The following DLC1 variants were observed in gnomAD, a reference collection of about 807,000 sequenced individuals.
DLC1 encodes the protein rho GTPase-activating protein 7.
A neutral mutation model predicts 140.3 loss-of-function variants in DLC1; 54 were observed. The observed-to-expected ratio is 0.38, with a 90% CI of 0.31 to 0.48. The LOEUF is 0.48. Ranked by LOEUF, DLC1 falls within the 20% of genes least tolerant of loss-of-function variation. The pLI, the probability that DLC1 is intolerant of heterozygous loss-of-function variation, is 0.96. For synonymous variants in DLC1, 986 were observed against 728.1 expected, an observed-to-expected ratio of 1.35 and a Z score of -5.70; for missense variants, 2,536 against 1,907.0, an observed-to-expected ratio of 1.33 and a Z score of -6.14.
chr8:13,401,214 C>G (rs1837280080), intron 3 of DLC1, among the ~76,000 whole-genome samples: 1 of 152,168 alleles, frequency 6.6e-6, no homozygotes, highest in Non-Finnish European at 1.5e-5. Context: ...CCATAATTTC[C>G]TAAGGTGACT....
intron 4 of DLC1, among the ~76,000 whole-genome samples, chr8:13,379,279 A>T (rs1042973969): frequency 2.0e-5 from 3 of 152,102 alleles, no homozygotes; most frequent in African/African-American, 7.2e-5. Context: ...TCCTGATCTG[A>T]CCGTTTGAGA....
At chr8:13,225,107 G>A (rs1361297927) in intron 5 of DLC1, among the ~76,000 whole-genome samples, 2 of 152,214 alleles carry the variant, frequency 1.3e-5, no homozygotes, top group Admixed American at 1.3e-4. Flanking sequence ...GGGCAGAAAT[G>A]TCTGTTCCCT....
intron 1 of DLC1, among the ~76,000 whole-genome samples, chr8:13,593,182 C>T (rs1246893289): frequency 6.6e-6 from 1 of 152,048 alleles, no homozygotes; most frequent in Non-Finnish European, 1.5e-5. Context: ...AGCAGCAGGC[C>T]AAGAGGTGTT....
chr8:13,200,294 C>A (rs1228733994), intron 5 of DLC1, among the ~76,000 whole-genome samples: 2 of 151,910 alleles, frequency 1.3e-5, no homozygotes, highest in African/African-American at 4.8e-5. Context: ...GAACTCCTGA[C>A]ATCATGATCT....
At chr8:13,575,294 A>G (rs1804799373) in intron 1 of DLC1, among the ~76,000 whole-genome samples, 2 of 152,190 alleles carry the variant, frequency 1.3e-5, no homozygotes, top group African/African-American at 2.4e-5. Context: ...ATGGTGCCAC[A>G]TATGCACTGA....
At position 13,085,969 on chromosome 8, in the gene DLC1, A is replaced by C. The variant is rs768774989; in HGVS notation, c.4467-38T>G. The C allele has an allele frequency of 3.1e-6, 5 of 1,604,108 alleles. No individual in the cohort carries two copies. In the Admixed American group the frequency reaches 8.6e-5, roughly 28 times the overall value. On this transcript the variant is annotated intron_variant, in intron 17 of 17. Transcript: ENST00000276297. ...AGAAAGAAAAGCTGATGAATTATTT[A>C]AGTTAGAAAGCATGGAAATAAAATG...
At chr8:13,103,037 G>C (rs187412110) in intron 7 of DLC1, among the ~76,000 whole-genome samples, 184 bp from the exon 8 acceptor site, 3 of 152,308 alleles carry the variant, frequency 2.0e-5, no homozygotes, top group East Asian at 3.9e-4. Flanking sequence ...TTGGCCGGGC[G>C]TGGTGGCTCA....
chr8:13,485,519 G>A (rs868166451), intron 2 of DLC1, among the ~76,000 whole-genome samples: 1 of 152,140 alleles, frequency 6.6e-6, no homozygotes, highest in East Asian at 1.9e-4. Context: ...TTTTTAAAAG[G>A]GAATACTGGA....
At chr8:13,184,313 C>G (rs143804483) in intron 5 of DLC1, among the ~76,000 whole-genome samples, 1 of 151,070 alleles carries the variant, frequency 6.6e-6, no homozygotes, top group East Asian at 2.0e-4. Context: ...GTCTCTATCT[C>G]CTTTAGTTAT....
intron 16 of DLC1, among the ~76,000 whole-genome samples, chr8:13,088,171 C>T (rs928838274): frequency 6.6e-6 from 1 of 152,230 alleles, no homozygotes; most frequent in African/African-American, 2.4e-5. Context: ...GCCTCAAACT[C>T]CTGGCTCAAG....
intron 5 of DLC1, among the ~76,000 whole-genome samples, chr8:13,239,935 C>T (rs1563190207): frequency 6.6e-6 from 1 of 152,322 alleles, no homozygotes; most frequent in Non-Finnish European, 1.5e-5. Flanking sequence ...AATGCTTGTT[C>T]TGGTGCCAGT....
intron 5 of DLC1, among the ~76,000 whole-genome samples, chr8:13,303,279 A>G (rs969064742): frequency 6.6e-6 from 1 of 152,164 alleles, no homozygotes; most frequent in Non-Finnish European, 1.5e-5. Context: ...GAGATGGGGC[A>G]TCCTGGGGCC....
chr8:13,266,556 C>T (rs1304086194), intron 5 of DLC1, among the ~76,000 whole-genome samples: 2 of 151,902 alleles, frequency 1.3e-5, no homozygotes, highest in Non-Finnish European at 2.9e-5. Context: ...ACCAGCCTGG[C>T]CAACATGGTG....
intron 3 of DLC1, among the ~76,000 whole-genome samples, chr8:13,399,370 G>A (rs951569810): frequency 6.6e-6 from 1 of 152,150 alleles, no homozygotes; most frequent in Non-Finnish European, 1.5e-5. Flanking sequence ...AATCTCACCT[G>A]CTGGGTGACC....
chr8:13,412,726 G>A (rs1234594044), intron 2 of DLC1, among the ~76,000 whole-genome samples: 4 of 151,960 alleles, frequency 2.6e-5, no homozygotes, highest in Admixed American at 1.3e-4. Flanking sequence ...GAGGTCAGGA[G>A]ATAGAGACCT....
chr8:13,344,461 CTAGCCTGGG>C (rs1009802196), intron 4 of DLC1, among the ~76,000 whole-genome samples: 5 of 152,182 alleles, frequency 3.3e-5, no homozygotes, highest in Admixed American at 3.3e-4. Flanking sequence ...CCGTTGCACT[CTAGCCTGGG>C]CAACAAGAGT....
intron 5 of DLC1, among the ~76,000 whole-genome samples, chr8:13,268,023 C>G (rs1186755870): frequency 1.3e-5 from 2 of 152,100 alleles, no homozygotes; most frequent in Non-Finnish European, 2.9e-5. Context: ...CAATGTGTTT[C>G]AGTTCTACAG....
At chr8:13,529,122 A>G (rs963668902) in intron 1 of DLC1, among the ~76,000 whole-genome samples, 2 of 152,204 alleles carry the variant, frequency 1.3e-5, no homozygotes, top group African/African-American at 4.8e-5. Flanking sequence ...AGTGAATTAG[A>G]GGAAATGTTT....
chr8:13,469,616 T>C (rs1346084292), intron 2 of DLC1, among the ~76,000 whole-genome samples: 1 of 152,214 alleles, frequency 6.6e-6, no homozygotes, highest in Non-Finnish European at 1.5e-5. Flanking sequence ...AGATATGTTG[T>C]ATAATTTTTC....
Sources: gnomAD v4.1 joint callset for allele counts (sites outside exome capture counted in the v4.1 genomes callset) on GRCh38, gnomAD v4.1.1 for gene constraint, MANE v1.5 for transcripts, NCBI Gene and HGNC (gene_info 2026-07-23, HGNC 2026-07-21) for gene names.